The following N4BP2L2 variants were observed in gnomAD, a reference collection of about 807,000 sequenced individuals.
The protein encoded by N4BP2L2 is NEDD4-binding protein 2-like 2.
A neutral mutation model predicts 56.2 loss-of-function variants in N4BP2L2; 50 were observed. The ratio of observed to expected loss-of-function variants is 0.89; its 90% CI spans 0.71 to 1.13. N4BP2L2 has a LOEUF of 1.13. Ranked by LOEUF, N4BP2L2 falls within the 50% of genes most tolerant of loss-of-function variation. N4BP2L2 has a pLI of 0.00. For missense variants in N4BP2L2, 689 were observed against 693.8 expected (o/e 0.99, Z 0.08); for synonymous variants, 203 against 223.6 (o/e 0.91, Z 0.82).
chr13:32,488,209 C>A (rs2086299065), intron 6 of N4BP2L2, among the ~76,000 whole-genome samples: 1 of 152,278 alleles, frequency 6.6e-6, no homozygotes, highest in East Asian at 1.9e-4. Flanking sequence ...ATATATACAA[C>A]ACGGAATACT....
At chr13:32,538,001 G>C (rs895861777) in intron 1 of N4BP2L2, among the ~76,000 whole-genome samples, 1 of 150,854 alleles carries the variant, frequency 6.6e-6, no homozygotes, top group African/African-American at 2.4e-5. Context: ...ACCCGGGGGG[G>C]GCGGAGGTTG....
chr13:32,530,160 A>G (rs1361243181), intron 2 of N4BP2L2, among the ~76,000 whole-genome samples: 3 of 152,212 alleles, frequency 2.0e-5, no homozygotes, highest in Non-Finnish European at 1.5e-5. Flanking sequence ...AAACAAGTCA[A>G]CAATACATAT....
chr13:32,516,378 TATTC>T (rs1175342536), exon 6 of N4BP2L2: 1 of 152,178 alleles, frequency 6.6e-6, no homozygotes, highest in Admixed American at 6.5e-5. Context: ...ATAAAGGTAA[TATTC>T]ATTCAAATGT....
chr13:32,522,353 TACTACGTCTCTGTAC>T, intron 3 of N4BP2L2, 83 bp from the exon 4 acceptor site: 1 of 926,060 alleles, frequency 1.1e-6, no homozygotes, highest in Non-Finnish European at 1.6e-6. Context: ...TTAAGAAATG[TACTACGTCTCTGTAC>T]TTAAAACCAA....
intron 6 of N4BP2L2, among the ~76,000 whole-genome samples, chr13:32,500,623 T>C (rs1391493739): frequency 6.7e-6 from 1 of 149,148 alleles, no homozygotes; most frequent in Non-Finnish European, 1.5e-5. Context: ...GAGGTTGTAA[T>C]AGGAGGACTG....
chr13:32,461,142 T>C (rs190591469), intron 6 of N4BP2L2, among the ~76,000 whole-genome samples: 47 of 152,298 alleles, frequency 3.1e-4, no homozygotes, highest in Admixed American at 3.1e-3. Flanking sequence ...ATTAAAGGCC[T>C]AAGCATAAGA....
At chr13:32,462,244 T>C (rs1241066415) in intron 6 of N4BP2L2, among the ~76,000 whole-genome samples, 1 of 152,276 alleles carries the variant, frequency 6.6e-6, no homozygotes, top group East Asian at 1.9e-4. Flanking sequence ...ATATACACAA[T>C]GAAATACTAC....
At chr13:32,489,765 GAAAA>G (rs34893590) in intron 6 of N4BP2L2, among the ~76,000 whole-genome samples, 1 of 137,818 alleles carries the variant, frequency 7.3e-6, no homozygotes, top group Non-Finnish European at 1.6e-5. Context: ...TTCCCCTCCT[GAAAA>G]AAAAAAAAAA....
intron 6 of N4BP2L2, among the ~76,000 whole-genome samples, chr13:32,496,599 G>T (rs959558110): frequency 6.6e-6 from 1 of 152,118 alleles, no homozygotes; most frequent in African/African-American, 2.4e-5. Context: ...TTTCCATGTA[G>T]AAGACATGGA....
chr13:32,477,428 C>T (rs1468489210), intron 6 of N4BP2L2: 4 of 178,436 alleles, frequency 2.2e-5, no homozygotes, highest in Non-Finnish European at 4.7e-5. Flanking sequence ...GATGTGTCTC[C>T]AACAGGAAAA....
chr13:32,442,022 G>A (rs974731679), intron 7 of N4BP2L2, among the ~76,000 whole-genome samples: 3 of 152,210 alleles, frequency 2.0e-5, no homozygotes, highest in Admixed American at 6.5e-5. Flanking sequence ...CTTGCAGTGA[G>A]CCGAGATCAC....
chr13:32,518,611 C>T (rs560686924), intron 5 of N4BP2L2, among the ~76,000 whole-genome samples: 5 of 152,016 alleles, frequency 3.3e-5, no homozygotes, highest in South Asian at 4.2e-4. Context: ...CTTGCCCCTG[C>T]CCCCAAACTA....
At chr13:32,453,460 G>A (rs964692627) in intron 6 of N4BP2L2, among the ~76,000 whole-genome samples, 5 of 151,954 alleles carry the variant, frequency 3.3e-5, no homozygotes, top group African/African-American at 1.2e-4. Context: ...CTGAGTCTCA[G>A]TAAGAAATCT....
chr13:32,454,596 T>G (rs2078646492), intron 6 of N4BP2L2, among the ~76,000 whole-genome samples: 1 of 152,142 alleles, frequency 6.6e-6, no homozygotes, highest in African/African-American at 2.4e-5. Context: ...AGACAAAGAC[T>G]TTATGTTAAC....
intron 6 of N4BP2L2, among the ~76,000 whole-genome samples, chr13:32,494,759 G>T (rs998063769): frequency 6.6e-6 from 1 of 151,978 alleles, no homozygotes; most frequent in African/African-American, 2.4e-5. Flanking sequence ...GAGTAACCCA[G>T]GTTCTCTAAA....
chr13:32,458,923 T>G (rs2079487047), intron 6 of N4BP2L2, among the ~76,000 whole-genome samples: 1 of 152,166 alleles, frequency 6.6e-6, no homozygotes, highest in African/African-American at 2.4e-5. Flanking sequence ...TTTTAAAAAC[T>G]GTAATCATAT....
At chr13:32,497,666 A>C (rs1398409798) in intron 6 of N4BP2L2, among the ~76,000 whole-genome samples, 2 of 152,246 alleles carry the variant, frequency 1.3e-5, no homozygotes, top group Non-Finnish European at 2.9e-5. Flanking sequence ...GGAGGAGACT[A>C]CACTATCAGA....
intron 2 of N4BP2L2, among the ~76,000 whole-genome samples, chr13:32,534,401 A>G (rs1014182836): frequency 1.3e-5 from 2 of 152,106 alleles, no homozygotes; most frequent in African/African-American, 2.4e-5. Context: ...ACTCTTAGTC[A>G]AGTGGTCCTA....
chr13:32,456,130 G>T (rs1051651997), intron 6 of N4BP2L2, among the ~76,000 whole-genome samples: 4 of 152,140 alleles, frequency 2.6e-5, no homozygotes, highest in Non-Finnish European at 5.9e-5. Flanking sequence ...GAGGCCCAAG[G>T]ATAGGCACAC....
Sources: gnomAD v4.1 joint callset for allele counts (sites outside exome capture counted in the v4.1 genomes callset) on GRCh38, gnomAD v4.1.1 for gene constraint, MANE v1.5 for transcripts, NCBI Gene and HGNC (gene_info 2026-07-23, HGNC 2026-07-21) for gene names.